MAP4K5: variants seen among roughly 807,000 people sequenced by gnomAD.
The protein encoded by MAP4K5 is MAPK/ERK kinase kinase kinase 5.
In MAP4K5, 82 loss-of-function variants were observed where a neutral mutation model predicts 135.6. That is an observed-to-expected ratio of 0.60 (90% CI 0.51 to 0.73). The LOEUF (loss-of-function observed/expected upper bound fraction) is 0.73, where lower values mean the gene tolerates loss of function less well. Among genes scored for constraint, MAP4K5 ranks in the 30% least tolerant of loss-of-function variants. The pLI, the probability that MAP4K5 is intolerant of heterozygous loss-of-function variation, is 0.00. For synonymous variants in MAP4K5, 347 were observed against 335.0 expected, an observed-to-expected ratio of 1.04 and a Z score of -0.39; for missense variants, 907 against 1,010.9, an observed-to-expected ratio of 0.90 and a Z score of 1.39.
At chr14:50,447,515 T>A in intron 15 of MAP4K5, 34 bp from the exon 16 acceptor site, 3 of 1,206,146 alleles carry the variant, frequency 2.5e-6, no homozygotes, top group South Asian at 1.4e-5. Context: ...AAAATGTTAC[T>A]TTGTAACAGG....
At position 50,521,454 on chromosome 14, in the gene MAP4K5, C is replaced by G. The variant is rs144710785; in HGVS notation, c.108+10488G>C. Among the ~76,000 whole-genome samples, 382 of 152,276 alleles carry G rather than the reference C, an allele frequency of 2.5e-3. 1 individual carries two copies. Among genetic ancestry groups the G allele is most frequent in the African/African-American group, 8.2e-3 (342 of 41,568 alleles). On this transcript the variant is annotated intron_variant, in intron 2 of 32. Coordinates refer to ENST00000682126, the MANE Select transcript of MAP4K5 (RefSeq NM_006575.6). ...AGACTGGAATCAGAAGATCTAGATT[C>G]AAGTCCTTACAGTGCCATCTACTAA...
intron 3 of MAP4K5, among the ~76,000 whole-genome samples, chr14:50,490,156 T>C (rs1013135427): frequency 4.8e-5 from 7 of 145,800 alleles, no homozygotes; most frequent in Non-Finnish European, 1.0e-4. Flanking sequence ...TGTGTGTGTG[T>C]GTGTAAGGGA....
At chr14:50,477,714 G>C (rs2037134498) in intron 6 of MAP4K5, among the ~76,000 whole-genome samples, 2 of 152,116 alleles carry the variant, frequency 1.3e-5, no homozygotes. Flanking sequence ...TAAATGCCCT[G>C]TGTGTATTTA....
chr14:50,511,831 T>G (rs2037935602), intron 2 of MAP4K5, among the ~76,000 whole-genome samples: 1 of 152,050 alleles, frequency 6.6e-6, no homozygotes. Flanking sequence ...TCTATGACAT[T>G]CCGAAAAAGG....
At chr14:50,551,073 C>T (rs1367668786) in intron 1 of MAP4K5, among the ~76,000 whole-genome samples, 2 of 151,836 alleles carry the variant, frequency 1.3e-5, no homozygotes, top group Non-Finnish European at 2.9e-5. Flanking sequence ...AAATTCAAGA[C>T]AGATGAAACA....
At chr14:50,492,431 A>G (rs980461083) in intron 3 of MAP4K5, among the ~76,000 whole-genome samples, 3 of 151,924 alleles carry the variant, frequency 2.0e-5, no homozygotes, top group African/African-American at 7.3e-5. Flanking sequence ...GTCTCCACAA[A>G]AAAAACACAA....
intron 17 of MAP4K5, 122 bp from the exon 18 acceptor site, chr14:50,445,316 CA>C: frequency 1.3e-6 from 1 of 764,318 alleles, no homozygotes; most frequent in South Asian, 2.9e-5. Flanking sequence ...GCTAAGTGAG[CA>C]AAGTAAGAGG....
At chr14:50,556,549 G>T (rs2038767799) in intron 1 of MAP4K5, among the ~76,000 whole-genome samples, 1 of 152,140 alleles carries the variant, frequency 6.6e-6, no homozygotes, top group African/African-American at 2.4e-5. Flanking sequence ...CCCAAGAGTT[G>T]TGCAAAGTTG....
intron 6 of MAP4K5, among the ~76,000 whole-genome samples, chr14:50,479,316 T>C (rs912437789): frequency 6.6e-6 from 1 of 152,160 alleles, no homozygotes; most frequent in Non-Finnish European, 1.5e-5. Context: ...AAATTACTTT[T>C]TCTTTCCATG....
At chr14:50,558,889 T>A (rs1158484275) in intron 1 of MAP4K5, among the ~76,000 whole-genome samples, 1 of 152,194 alleles carries the variant, frequency 6.6e-6, no homozygotes, top group African/African-American at 2.4e-5. Context: ...AAAACCATGT[T>A]GTAAACTTGG....
At chr14:50,516,523 G>C (rs555056323) in intron 2 of MAP4K5, among the ~76,000 whole-genome samples, 1 of 152,278 alleles carries the variant, frequency 6.6e-6, no homozygotes, top group Admixed American at 6.5e-5. Flanking sequence ...ATCAAGAACA[G>C]AATCCTAAAA....
intron 28 of MAP4K5, among the ~76,000 whole-genome samples, chr14:50,432,849 T>C (rs910698979): frequency 6.6e-6 from 1 of 152,218 alleles, no homozygotes; most frequent in African/African-American, 2.4e-5. Flanking sequence ...TTCTTTCTTT[T>C]TTTTTGAGAC....
At chr14:50,495,998 AT>A (rs2139981921) in intron 3 of MAP4K5, among the ~76,000 whole-genome samples, 1 of 152,314 alleles carries the variant, frequency 6.6e-6, no homozygotes, top group Non-Finnish European at 1.5e-5. Flanking sequence ...AACAACGCAA[AT>A]ATAGTTAAAA....
chr14:50,502,031 G>T (rs1404032166), intron 3 of MAP4K5, among the ~76,000 whole-genome samples: 1 of 152,098 alleles, frequency 6.6e-6, no homozygotes, highest in East Asian at 1.9e-4. Flanking sequence ...ACATTAAGCA[G>T]ATGTGCCACA....
At chr14:50,549,407 G>C (rs1315635314) in intron 1 of MAP4K5, among the ~76,000 whole-genome samples, 1 of 152,130 alleles carries the variant, frequency 6.6e-6, no homozygotes, top group Non-Finnish European at 1.5e-5. Context: ...GACCTAGAAG[G>C]GTTCCCTCTG....
rs150704020 is a variant in MAP4K5, at chr14:50,498,478, A to G, written c.166+6322T>C. On this transcript the variant is annotated intron_variant, in intron 3 of 32. Coordinates refer to ENST00000682126, the MANE Select transcript of MAP4K5 (RefSeq NM_006575.6). ...ATGCTGACTTCATTTTCTTTTACAA[A>G]TATTTTTGTGGCTAATTAATAAACG... is the stretch of plus-strand genomic sequence containing the variant. Among the ~76,000 whole-genome samples, 66 of 152,308 alleles carry G rather than the reference A, an allele frequency of 4.3e-4. 1 individual carries two copies. The East Asian group carries it at 0.012, about 28-fold the overall frequency.
rs1370812406 is a variant in MAP4K5 at position 50,445,177 on chromosome 14, G to T, written c.1203C>A (p.Tyr401Ter). ...PLPPKPRISS[Y>*]PEDNFPDEEK... Reference sequence around the variant, plus strand: ...CTTCATCCGGAAAGTTGTCTTCAGGGTAACTGCTTATCCTTGGCTAGTGGT... The same window carrying T: ...CTTCATCCGGAAAGTTGTCTTCAGGTTAACTGCTTATCCTTGGCTAGTGGT... The change falls in exon 18 of 33, where the codon TAC becomes TAA. Residue 401 changes from tyrosine to a stop codon, truncating the protein, a stop_gained. Transcript: ENST00000682126. LOFTEE classifies it high-confidence loss of function. The T allele has an allele frequency of 6.2e-7, 1 of 1,613,178 alleles. No homozygotes were observed. Among genetic ancestry groups the T allele is most frequent in the Non-Finnish European group, 8.5e-7 (1 of 1,179,564 alleles).
At chr14:50,489,408 A>G (rs2139948058) in intron 3 of MAP4K5, among the ~76,000 whole-genome samples, 1 of 152,346 alleles carries the variant, frequency 6.6e-6, no homozygotes, top group South Asian at 2.1e-4. Context: ...TGACAATGTA[A>G]GGATGAGACT....
intron 9 of MAP4K5, among the ~76,000 whole-genome samples, chr14:50,474,379 A>G (rs1023648538): frequency 6.6e-6 from 1 of 151,636 alleles, no homozygotes; most frequent in Non-Finnish European, 1.5e-5. Context: ...ACAGAATGAA[A>G]CCCTGTCTCA....
Sources: allele counts gnomAD v4.1 joint callset (sites outside exome capture counted in the v4.1 genomes callset), GRCh38; gene constraint gnomAD v4.1.1; transcripts MANE v1.5; gene names NCBI Gene and HGNC (gene_info 2026-07-23, HGNC 2026-07-21).